Variants in SGCZ observed in about 807,000 individuals in gnomAD.
SGCZ encodes zeta-sarcoglycan.
SGCZ carries 40 observed loss-of-function variants against 41.3 expected under a neutral mutation model. The ratio of observed to expected loss-of-function variants is 0.97; its 90% confidence interval spans 0.75 to 1.26. The LOEUF (loss-of-function observed/expected upper bound fraction) is 1.26, where lower values mean the gene tolerates loss of function less well. Among genes scored for constraint, SGCZ ranks in the 50% most tolerant of loss-of-function variants. SGCZ has a pLI of 0.00. For missense variants in SGCZ, 552 were observed against 369.8 expected (o/e 1.49, Z -4.04); for synonymous variants, 206 against 137.5 (o/e 1.50, Z -3.49).
chr8:14,854,021 T>TTTTATATATATA (rs1394714691), intron 1 of SGCZ, among the ~76,000 whole-genome samples: 2 of 107,676 alleles, frequency 1.9e-5, no homozygotes, highest in South Asian at 3.4e-4. Flanking sequence ...TGTGATTATA[T>TTTTATATATATA]TATATATATA....
At chr8:14,693,131 A>T (rs1211631608) in intron 1 of SGCZ, among the ~76,000 whole-genome samples, 2 of 152,192 alleles carry the variant, frequency 1.3e-5, no homozygotes, top group Non-Finnish European at 1.5e-5. Flanking sequence ...AGATTAAGTA[A>T]ATTGTTAGAT....
intron 1 of SGCZ, among the ~76,000 whole-genome samples, chr8:15,034,478 G>T (rs1288246077): frequency 3.9e-5 from 6 of 152,090 alleles, no homozygotes; most frequent in African/African-American, 1.2e-4. Context: ...TACAAGAAAA[G>T]ATCAAGTGTT....
chr8:14,877,246 A>G (rs1804398663), intron 1 of SGCZ, among the ~76,000 whole-genome samples: 1 of 152,184 alleles, frequency 6.6e-6, no homozygotes, highest in South Asian at 2.1e-4. Context: ...TGCTGGGATT[A>G]CCAAGTGTGA....
intron 1 of SGCZ, among the ~76,000 whole-genome samples, chr8:14,674,775 C>T (rs912154692): frequency 2.6e-5 from 4 of 151,252 alleles, no homozygotes; most frequent in Non-Finnish European, 4.4e-5. Flanking sequence ...TGTGTAGCCC[C>T]TCCCCTGCCC....
chr8:14,867,486 T>A (rs536780292), intron 1 of SGCZ, among the ~76,000 whole-genome samples: 67 of 152,290 alleles, frequency 4.4e-4, no homozygotes, highest in African/African-American at 1.6e-3. Flanking sequence ...GATTGCTGGG[T>A]AGAATAGTAT....
chr8:15,167,907 A>G (rs1799712993), intron 1 of SGCZ, among the ~76,000 whole-genome samples: 1 of 152,186 alleles, frequency 6.6e-6, no homozygotes, highest in South Asian at 2.1e-4. Context: ...TGATCCTGCA[A>G]ATCCTGCCAG....
chr8:14,529,156 T>G (rs1803048556), intron 2 of SGCZ, among the ~76,000 whole-genome samples: 1 of 152,184 alleles, frequency 6.6e-6, no homozygotes, highest in African/African-American at 2.4e-5. Context: ...GTCCACTTCA[T>G]ATTCAACACA....
At chr8:14,893,546 A>G (rs914944155) in intron 1 of SGCZ, among the ~76,000 whole-genome samples, 2 of 152,206 alleles carry the variant, frequency 1.3e-5, no homozygotes, top group Non-Finnish European at 2.9e-5. Flanking sequence ...TAATGTATGT[A>G]TGCTAGACTG....
chr8:14,566,570 T>G (rs1334862746), intron 1 of SGCZ, among the ~76,000 whole-genome samples: 1 of 152,362 alleles, frequency 6.6e-6, no homozygotes, highest in Middle Eastern at 3.4e-3. Context: ...ACAATTTGCC[T>G]TTCCACCAAA....
intron 1 of SGCZ, among the ~76,000 whole-genome samples, chr8:14,759,914 A>G (rs1463649055): frequency 2.0e-5 from 3 of 152,210 alleles, no homozygotes; most frequent in Admixed American, 6.5e-5. Context: ...CCATTACTAA[A>G]ACTTGGCTCT....
chr8:14,777,298 T>C (rs974109639), intron 1 of SGCZ, among the ~76,000 whole-genome samples: 1 of 152,192 alleles, frequency 6.6e-6, no homozygotes, highest in African/African-American at 2.4e-5. Flanking sequence ...AACCATGTTA[T>C]AATTACAGAT....
chr8:15,060,400 T>C (rs1206749373), intron 1 of SGCZ, among the ~76,000 whole-genome samples: 3 of 151,402 alleles, frequency 2.0e-5, no homozygotes, highest in African/African-American at 7.3e-5. Context: ...ACCATCATTC[T>C]CAGCAAACTA....
In SGCZ at chr8:14,090,461, G is replaced by A. The variant is rs780682798; in HGVS notation, c.921C>T (p.Asn307=). The part of the protein sequence containing the change: ...GVGSTCQSSS[N]ICLWS ...AGTCACTTCAGCTCCACAGGCAGAT[G>A]TTGCTACTGGACTGACAAGTGGAAC... is the stretch of plus-strand genomic sequence containing the variant. Residue 307 remains asparagine (N), a synonymous_variant, in exon 8 of 8, where the codon AAC becomes AAT. Transcript: ENST00000382080. 3 of 1,612,398 alleles carry A rather than the reference G, an allele frequency of 1.9e-6. No individual in the cohort carries two copies. The highest frequency in any genetic ancestry group is 2.2e-5 in the East Asian group (1 of 44,828).
chr8:14,769,174 A>G (rs1330363909), intron 1 of SGCZ, among the ~76,000 whole-genome samples: 1 of 152,198 alleles, frequency 6.6e-6, no homozygotes, highest in Non-Finnish European at 1.5e-5. Context: ...AGGGAAAAAC[A>G]GATGGAGAAA....
At chr8:14,656,038 T>C (rs1198289175) in intron 1 of SGCZ, among the ~76,000 whole-genome samples, 2 of 152,066 alleles carry the variant, frequency 1.3e-5, no homozygotes, top group Non-Finnish European at 2.9e-5. Flanking sequence ...CAGTTTGAGC[T>C]CTTACAGATA....
intron 1 of SGCZ, among the ~76,000 whole-genome samples, chr8:14,989,010 C>A (rs1346951289): frequency 6.6e-6 from 1 of 151,968 alleles, no homozygotes; most frequent in Non-Finnish European, 1.5e-5. Context: ...AAATGAAAAG[C>A]TATTTCATGG....
chr8:14,934,303 T>C (rs141859341), intron 1 of SGCZ, among the ~76,000 whole-genome samples: 42 of 152,076 alleles, frequency 2.8e-4, no homozygotes, highest in African/African-American at 1.0e-3. Flanking sequence ...CTACTGTATA[T>C]AAAATATATG....
intron 1 of SGCZ, among the ~76,000 whole-genome samples, chr8:15,066,705 T>C (rs1413116989): frequency 1.3e-5 from 2 of 152,200 alleles, no homozygotes; most frequent in Admixed American, 6.6e-5. Flanking sequence ...TTTCCTTCTT[T>C]TGAGAATGTG....
chr8:14,124,712 T>C (rs567718288), intron 5 of SGCZ, among the ~76,000 whole-genome samples: 1 of 152,312 alleles, frequency 6.6e-6, no homozygotes, highest in East Asian at 1.9e-4. Flanking sequence ...GAAAGTTACA[T>C]ATTTAATATT....
Sources: allele counts gnomAD v4.1 joint callset (sites outside exome capture counted in the v4.1 genomes callset), GRCh38; gene constraint gnomAD v4.1.1; transcripts MANE v1.5; gene names NCBI Gene and HGNC (gene_info 2026-07-23, HGNC 2026-07-21).